The following GRIA4 variants were observed in gnomAD, a reference collection of about 807,000 sequenced individuals.
The protein encoded by GRIA4 is glutamate ionotropic receptor AMPA type subunit 4.
Under a neutral mutation model 104.0 loss-of-function variants are expected in GRIA4, and 34 were observed. The observed-to-expected ratio is 0.33, with a 90% CI of 0.25 to 0.44. The LOEUF is 0.44. Ranked by LOEUF, GRIA4 falls within the 20% of genes least tolerant of loss-of-function variation. GRIA4 has a pLI of 1.00. For missense variants in GRIA4, 750 were observed against 1,096.5 expected (o/e 0.68, Z 4.46); for synonymous variants, 386 against 381.9 (o/e 1.01, Z -0.13).
chr11:105,841,403 G>A (rs1944391338), intron 4 of GRIA4, among the ~76,000 whole-genome samples: 1 of 152,180 alleles, frequency 6.6e-6, no homozygotes, highest in Non-Finnish European at 1.5e-5. Context: ...AGTTCAGCCT[G>A]TGGATGATTG....
chr11:105,821,930 G>C (rs1294926095), intron 4 of GRIA4, among the ~76,000 whole-genome samples: 2 of 152,114 alleles, frequency 1.3e-5, no homozygotes, highest in Admixed American at 1.3e-4. Context: ...ATAAAATGCA[G>C]CAGAACTACT....
intron 4 of GRIA4, among the ~76,000 whole-genome samples, chr11:105,794,461 G>A (rs1220496737): frequency 1.2e-5 from 1 of 80,160 alleles, no homozygotes; most frequent in South Asian, 3.7e-4. Flanking sequence ...GTCTGTGTGT[G>A]TGTATATGTA....
intron 3 of GRIA4, among the ~76,000 whole-genome samples, chr11:105,693,599 C>A (rs1188037333): frequency 6.6e-6 from 1 of 152,112 alleles, no homozygotes; most frequent in Non-Finnish European, 1.5e-5. Flanking sequence ...CATGTTATTA[C>A]CCTCTTGCTT....
chr11:105,979,662 TG>T lies in GRIA4; in HGVS notation c.2633del (p.Cys878SerfsTer32). ...GAATGGCCGCGTCTTGACGCCTGAC[TG>T]CCCAAAGGCTGTACACACTGGAACT... ...GENGRVLTPD[C>X]PKAVHTGTAI... On this transcript the variant is annotated frameshift_variant, in exon 17 of 17. Coordinates refer to ENST00000282499, the MANE Select transcript of GRIA4 (RefSeq NM_000829.4). LOFTEE classifies it high-confidence loss of function. The T allele has an allele frequency of 1.9e-6, 3 of 1,613,532 alleles. No individual in the cohort carries two copies. Among genetic ancestry groups the T allele is most frequent in the Non-Finnish European group, 2.5e-6 (3 of 1,179,410 alleles).
intron 3 of GRIA4, among the ~76,000 whole-genome samples, chr11:105,715,540 A>G (rs1371078231): frequency 3.3e-5 from 5 of 152,208 alleles, no homozygotes; most frequent in Non-Finnish European, 5.9e-5. Context: ...ATATCAATAC[A>G]AAAGATTAAG....
At chr11:105,629,458 T>C (rs184319871) in intron 3 of GRIA4, among the ~76,000 whole-genome samples, 2 of 152,058 alleles carry the variant, frequency 1.3e-5, no homozygotes, top group East Asian at 3.9e-4. Flanking sequence ...ATATGTAAGA[T>C]AATGGTGAGG....
At chr11:105,884,108 T>C (rs1310339701) in intron 5 of GRIA4, among the ~76,000 whole-genome samples, 1 of 152,238 alleles carries the variant, frequency 6.6e-6, no homozygotes, top group Non-Finnish European at 1.5e-5. Flanking sequence ...TGTCTTCCCC[T>C]ACATTTTTCT....
chr11:105,733,559 C>G (rs898078751), intron 3 of GRIA4, among the ~76,000 whole-genome samples: 1 of 152,028 alleles, frequency 6.6e-6, no homozygotes, highest in Non-Finnish European at 1.5e-5. Flanking sequence ...TAGGTTCTAG[C>G]AATTCTGCTG....
At chr11:105,728,955 A>T (rs934216477) in intron 3 of GRIA4, among the ~76,000 whole-genome samples, 1 of 152,178 alleles carries the variant, frequency 6.6e-6, no homozygotes, top group Non-Finnish European at 1.5e-5. Flanking sequence ...TAGAGAAGCA[A>T]GAGCAAACAA....
chr11:105,620,467 A>G lies in GRIA4; in HGVS notation c.247+8033A>G, dbSNP rs183227208. On this transcript the variant is annotated intron_variant, in intron 3 of 16. Coordinates refer to ENST00000282499, the MANE Select transcript of GRIA4 (RefSeq NM_000829.4). ...ACAGGATTTGCCTGCCATTCATACC[A>G]CAGCATCTTGATCAATACAGTATTG... Among the ~76,000 whole-genome samples the G allele has an allele frequency of 7.2e-5, 11 of 151,964 alleles. No homozygotes were observed. The East Asian group carries it at 2.1e-3, about 29-fold the overall frequency.
chr11:105,833,216 C>A (rs1944046020), intron 4 of GRIA4, among the ~76,000 whole-genome samples: 1 of 151,918 alleles, frequency 6.6e-6, no homozygotes, highest in African/African-American at 2.4e-5. Context: ...ATATAAGTTT[C>A]TTGGGTTACG....
intron 4 of GRIA4, among the ~76,000 whole-genome samples, chr11:105,827,965 T>C (rs967490331): frequency 1.4e-4 from 22 of 152,052 alleles, no homozygotes; most frequent in African/African-American, 5.3e-4. Context: ...TTAAAAACCA[T>C]GTGGCAAGCA....
chr11:105,813,502 G>C (rs115671067), intron 4 of GRIA4, among the ~76,000 whole-genome samples: 1 of 152,068 alleles, frequency 6.6e-6, no homozygotes, highest in Non-Finnish European at 1.5e-5. Context: ...ATATTTTCCC[G>C]TGAAGAAACA....
intron 3 of GRIA4, among the ~76,000 whole-genome samples, chr11:105,750,901 C>T (rs1939959278): frequency 6.6e-6 from 1 of 152,062 alleles, no homozygotes; most frequent in Admixed American, 6.6e-5. Context: ...TCATAAAAAG[C>T]TACATGAGTA....
intron 5 of GRIA4, among the ~76,000 whole-genome samples, chr11:105,881,363 G>A (rs1224581363): frequency 6.6e-6 from 1 of 152,172 alleles, no homozygotes; most frequent in East Asian, 1.9e-4. Context: ...TCAGGTGCTG[G>A]CAGTTGGAAG....
chr11:105,964,143 A>G (rs1174407143), intron 14 of GRIA4, among the ~76,000 whole-genome samples: 1 of 152,158 alleles, frequency 6.6e-6, no homozygotes, highest in Non-Finnish European at 1.5e-5. Flanking sequence ...TCATTCCTAC[A>G]TTTCAATCTG....
At chr11:105,871,796 C>A (rs1206343931) in intron 5 of GRIA4, among the ~76,000 whole-genome samples, 2 of 151,914 alleles carry the variant, frequency 1.3e-5, no homozygotes, top group Non-Finnish European at 2.9e-5. Flanking sequence ...ATGTAAAACC[C>A]TGACCAAAAA....
At chr11:105,899,006 G>A (rs192425046) in intron 7 of GRIA4, among the ~76,000 whole-genome samples, 2 of 152,176 alleles carry the variant, frequency 1.3e-5, no homozygotes, top group Admixed American at 1.3e-4. Context: ...TTAAATTATG[G>A]CATAATGTTT....
At chr11:105,907,994 C>G (rs1264444126) in intron 9 of GRIA4, among the ~76,000 whole-genome samples, 3 of 152,046 alleles carry the variant, frequency 2.0e-5, no homozygotes, top group Non-Finnish European at 4.4e-5. Flanking sequence ...ATCAGTCCCA[C>G]TGCCTATAAG....
Sources: gnomAD v4.1 joint callset for allele counts (sites outside exome capture counted in the v4.1 genomes callset) on GRCh38, gnomAD v4.1.1 for gene constraint, MANE v1.5 for transcripts, NCBI Gene and HGNC (gene_info 2026-07-23, HGNC 2026-07-21) for gene names.